Variants in FMN2 observed in about 807,000 individuals in gnomAD.
FMN2 encodes the protein formin 2, also known as formin-2.
Under a neutral mutation model 142.3 loss-of-function variants are expected in FMN2, and 51 were observed. The ratio of observed to expected loss-of-function variants is 0.36; its 90% CI spans 0.29 to 0.45. The LOEUF (loss-of-function observed/expected upper bound fraction) is 0.45. FMN2 is among the 20% of genes least tolerant of loss of function. The pLI is 1.00. For synonymous variants in FMN2, 882 were observed against 869.8 expected (o/e 1.01, Z -0.25); for missense variants, 1,936 against 2,122.8 (o/e 0.91, Z 1.73).
chr1:240,333,630 T>TA (rs1671457984), intron 11 of FMN2, among the ~76,000 whole-genome samples: 2 of 152,012 alleles, frequency 1.3e-5, no homozygotes, highest in Non-Finnish European at 2.9e-5. Context: ...TTGAGGGGGG[T>TA]AACAGTTGGA....
At chr1:240,246,683 A>G (rs564259614) in intron 6 of FMN2, among the ~76,000 whole-genome samples, 26 of 152,324 alleles carry the variant, frequency 1.7e-4, no homozygotes, top group African/African-American at 6.3e-4. Context: ...TGATTCAAGT[A>G]CACATGAAGT....
intron 2 of FMN2, chr1:240,145,277 C>T (rs909985599): frequency 5.8e-5 from 83 of 1,425,280 alleles, no homozygotes; most frequent in African/African-American, 3.5e-4. Flanking sequence ...GGCATCCCGC[C>T]GCTCCTTGCC....
At chr1:240,177,691 A>G (rs142755519) in intron 2 of FMN2, 252 of 319,646 alleles carry the variant, frequency 7.9e-4, no homozygotes, top group Non-Finnish European at 1.3e-3. Context: ...AGGTTTTACT[A>G]TAGAAATGAA....
At chr1:240,348,097 A>G (rs1160475731) in intron 13 of FMN2, among the ~76,000 whole-genome samples, 2 of 151,822 alleles carry the variant, frequency 1.3e-5, no homozygotes, top group Non-Finnish European at 2.9e-5. Context: ...TGCTAGTTCA[A>G]CTCTTAGTTG....
intron 14 of FMN2, among the ~76,000 whole-genome samples, chr1:240,373,392 C>T (rs1335939875): frequency 1.3e-5 from 2 of 152,084 alleles, no homozygotes; most frequent in Non-Finnish European, 2.9e-5. Flanking sequence ...CTAAATATTT[C>T]TATATAGCAT....
At chr1:240,446,075 A>G (rs1047629293) in intron 16 of FMN2, among the ~76,000 whole-genome samples, 2 of 152,198 alleles carry the variant, frequency 1.3e-5, no homozygotes, top group Non-Finnish European at 2.9e-5. Flanking sequence ...CCTTTCTTCT[A>G]AAATGCTGTA....
intron 14 of FMN2, among the ~76,000 whole-genome samples, chr1:240,383,427 A>G (rs1673296463): frequency 6.6e-6 from 1 of 152,134 alleles, no homozygotes; most frequent in Non-Finnish European, 1.5e-5. Context: ...GAAGAAGACA[A>G]TCCCATTAAA....
rs753796609 is a variant in FMN2, at chr1:240,093,345, G to T, written c.1236G>T (p.Pro412=). Residue 412 remains proline, a synonymous_variant, in exon 1 of 18, where the codon CCG becomes CCT. Coordinates refer to ENST00000319653, the MANE Select transcript of FMN2 (RefSeq NM_020066.5). ...APSQRCFKPY[P]LITPCYIKTT... is the part of the protein sequence containing the mutation. ...GCCAGCGCTGTTTCAAGCCCTACCC[G>T]CTCATCACCCCCTGCTACATCAAGA... 25 of 1,612,682 alleles carry T rather than the reference G, an allele frequency of 1.6e-5. No individual in the cohort carries two copies. The highest frequency in any genetic ancestry group is 2.1e-5 in the Non-Finnish European group (25 of 1,179,468).
chr1:240,339,598 A>G (rs1356246508), intron 13 of FMN2, among the ~76,000 whole-genome samples: 1 of 152,154 alleles, frequency 6.6e-6, no homozygotes. Flanking sequence ...GTTATATTTT[A>G]AAATTAATAT....
chr1:240,257,264 GATTC>G (rs1668478744), intron 6 of FMN2, among the ~76,000 whole-genome samples: 1 of 152,146 alleles, frequency 6.6e-6, no homozygotes, highest in African/African-American at 2.4e-5. Context: ...CGTGTGCCCT[GATTC>G]TTTAAGACTT....
intron 6 of FMN2, among the ~76,000 whole-genome samples, chr1:240,217,951 ATAGT>A (rs1374426786): frequency 6.6e-6 from 1 of 152,142 alleles, no homozygotes; most frequent in Admixed American, 6.5e-5. Context: ...CATAGTGTAG[ATAGT>A]TAATTCTTTT....
At chr1:240,368,783 G>T (rs1672765357) in intron 14 of FMN2, among the ~76,000 whole-genome samples, 1 of 151,902 alleles carries the variant, frequency 6.6e-6, no homozygotes, top group Non-Finnish European at 1.5e-5. Context: ...AAATATTTTG[G>T]CCATCTTTGT....
intron 6 of FMN2, among the ~76,000 whole-genome samples, chr1:240,241,117 T>A (rs1363187818): frequency 5.3e-5 from 8 of 152,280 alleles, no homozygotes; most frequent in Non-Finnish European, 1.5e-5. Flanking sequence ...AACTGTGAAA[T>A]TTAGAAATGC....
In FMN2 at chr1:240,465,925, A is replaced by T. The variant is rs1346742303; in HGVS notation, c.5061-6447A>T. Among the ~76,000 whole-genome samples, 3 of 152,144 alleles carry T rather than the reference A, an allele frequency of 2.0e-5. No individual in the cohort carries two copies. The East Asian group carries it at 5.8e-4, about 29-fold the overall frequency. On this transcript the variant is annotated intron_variant, in intron 16 of 17. Transcript: ENST00000319653. ...TCTTCATCTCACAAACCATTTTTAA[A>T]CTTAATCACACTGAACTTTTGTATA...
intron 6 of FMN2, among the ~76,000 whole-genome samples, chr1:240,227,459 TA>T (rs1277787923): frequency 2.0e-5 from 3 of 152,118 alleles, no homozygotes; most frequent in African/African-American, 7.2e-5. Flanking sequence ...CAAGCTAATT[TA>T]AAAATTCACG....
chr1:240,240,939 T>G (rs1667874368), intron 6 of FMN2, among the ~76,000 whole-genome samples: 1 of 152,202 alleles, frequency 6.6e-6, no homozygotes, highest in Non-Finnish European at 1.5e-5. Flanking sequence ...GAATAAAAGA[T>G]TGTAATGTTA....
chr1:240,450,691 C>T (rs762758426), intron 16 of FMN2, among the ~76,000 whole-genome samples: 78 of 152,198 alleles, frequency 5.1e-4, no homozygotes, highest in Non-Finnish European at 1.1e-3. Context: ...AATGTGGCTC[C>T]GTAGCTCATT....
intron 6 of FMN2, among the ~76,000 whole-genome samples, chr1:240,213,833 A>T (rs933251902): frequency 6.6e-6 from 1 of 152,230 alleles, no homozygotes; most frequent in African/African-American, 2.4e-5. Context: ...ACTGGTGTTT[A>T]ACGAGGTGCC....
In FMN2 at chr1:240,099,265, A is replaced by T. The variant is rs1468206909; in HGVS notation, c.1615+5541A>T. ...CCTGAAATTGTATACAAAACTTAGC[A>T]GGATATGAACTGACCAGATACTAGT... On this transcript the variant is annotated intron_variant, in intron 1 of 17. Coordinates refer to ENST00000319653, the MANE Select transcript of FMN2 (RefSeq NM_020066.5). 2.6e-5 allele frequency among the ~76,000 whole-genome samples: 4 copies of T among 152,144 alleles called. 1 individual carries two copies. Among genetic ancestry groups the T allele is most frequent in the African/African-American group, 9.7e-5 (4 of 41,428 alleles).
Sources: allele counts gnomAD v4.1 joint callset (sites outside exome capture counted in the v4.1 genomes callset), GRCh38; gene constraint gnomAD v4.1.1; transcripts MANE v1.5; gene names NCBI Gene and HGNC (gene_info 2026-07-23, HGNC 2026-07-21).